OPCML: variants seen among roughly 807,000 people sequenced by gnomAD.
OPCML encodes the protein opioid binding protein/cell adhesion molecule like, also known as opioid-binding protein/cell adhesion molecule.
In OPCML, 13 loss-of-function variants were observed where a neutral mutation model predicts 37.8. The ratio of observed to expected loss-of-function variants is 0.34; its 90% CI spans 0.22 to 0.55. OPCML has a LOEUF of 0.55. Ranked by LOEUF, OPCML falls within the 20% of genes least tolerant of loss-of-function variation. OPCML has a pLI of 0.91. For missense variants in OPCML, 341 were observed against 435.6 expected (o/e 0.78, Z 1.93); for synonymous variants, 176 against 168.8 (o/e 1.04, Z -0.33).
chr11:133,147,536 A>G (rs1396998352), intron 1 of OPCML, among the ~76,000 whole-genome samples: 1 of 152,178 alleles, frequency 6.6e-6, no homozygotes, highest in Non-Finnish European at 1.5e-5. Flanking sequence ...CTTAGCAAGC[A>G]TGTGTGGGTT....
intron 1 of OPCML, among the ~76,000 whole-genome samples, chr11:133,434,798 GTA>G (rs57835682): frequency 0.15 from 18,888 of 128,658 alleles, 1,579 homozygotes; most frequent in African/African-American, 0.25. Flanking sequence ...TTATATATAT[GTA>G]TATATATATA....
At chr11:132,567,304 T>C (rs1333114953) in intron 3 of OPCML, among the ~76,000 whole-genome samples, 2 of 152,230 alleles carry the variant, frequency 1.3e-5, no homozygotes, top group African/African-American at 4.8e-5. Flanking sequence ...TTCAAATTTT[T>C]AGAAATGAGG....
In OPCML at chr11:132,566,837, G is replaced by A. The variant is rs139894426; in HGVS notation, c.380-37651C>T. ...GTCGAGATGCAAAAATAAGTAGGTA[G>A]TACAGGAGTGAAACTGGGATAGTGA... is the stretch of plus-strand genomic sequence containing the variant. On this transcript the variant is annotated intron_variant, in intron 3 of 7. Coordinates refer to ENST00000524381, the MANE Select transcript of OPCML (RefSeq NM_001012393.5). Among the ~76,000 whole-genome samples the A allele has an allele frequency of 3.9e-5, 6 of 152,288 alleles. No individual in the cohort carries two copies. The East Asian group carries it at 7.7e-4, about 20-fold the overall frequency.
intron 1 of OPCML, among the ~76,000 whole-genome samples, chr11:133,384,651 C>T (rs1375866086): frequency 1.3e-5 from 2 of 152,248 alleles, no homozygotes; most frequent in African/African-American, 2.4e-5. Context: ...TTCTGTGCCT[C>T]ATTCTAAATG....
intron 1 of OPCML, among the ~76,000 whole-genome samples, chr11:133,119,446 A>G (rs55754342): frequency 0.2 from 30,228 of 151,944 alleles, 3,209 homozygotes; most frequent in African/African-American, 0.28. Context: ...AGGACTAGGA[A>G]TGCAACCATC....
At chr11:132,436,017 C>T (rs2136736276) in intron 7 of OPCML, 69 bp downstream of exon 7, 1 of 1,526,712 alleles carries the variant, frequency 6.6e-7, no homozygotes, top group Non-Finnish European at 8.8e-7. Context: ...ATTGCAACTT[C>T]CTCCCTCCTG....
chr11:132,427,385 G>A (rs1032117793), intron 7 of OPCML, among the ~76,000 whole-genome samples: 3 of 152,176 alleles, frequency 2.0e-5, no homozygotes, highest in African/African-American at 4.8e-5. Context: ...TACACTTGTT[G>A]GTGAAACATA....
At chr11:132,567,946 A>G (rs1489078631) in intron 3 of OPCML, among the ~76,000 whole-genome samples, 1 of 152,222 alleles carries the variant, frequency 6.6e-6, no homozygotes, top group Non-Finnish European at 1.5e-5. Context: ...AAATGGCAAC[A>G]TAATTAGGAA....
At chr11:133,101,952 C>G (rs983072592) in intron 1 of OPCML, among the ~76,000 whole-genome samples, 3 of 151,718 alleles carry the variant, frequency 2.0e-5, no homozygotes, top group Middle Eastern at 6.8e-3. Context: ...GCCAAGTGAA[C>G]GAAGCCAATC....
intron 7 of OPCML, among the ~76,000 whole-genome samples, chr11:132,429,425 G>C (rs2095988988): frequency 6.6e-6 from 1 of 152,192 alleles, no homozygotes; most frequent in African/African-American, 2.4e-5. Context: ...GGAGAAGTCA[G>C]AGGAAAGGCC....
At chr11:132,676,095 A>G (rs1173433428) in intron 2 of OPCML, among the ~76,000 whole-genome samples, 6 of 152,322 alleles carry the variant, frequency 3.9e-5, no homozygotes, top group East Asian at 1.9e-4. Flanking sequence ...AGATAAACAT[A>G]TAGATCAATG....
At chr11:132,700,880 T>C (rs1397429137) in intron 2 of OPCML, among the ~76,000 whole-genome samples, 1 of 152,202 alleles carries the variant, frequency 6.6e-6, no homozygotes, top group Non-Finnish European at 1.5e-5. Context: ...GAAAATAATG[T>C]ATTCAAGTCC....
chr11:133,242,278 G>C (rs1940759718), intron 1 of OPCML, among the ~76,000 whole-genome samples: 1 of 152,166 alleles, frequency 6.6e-6, no homozygotes, highest in South Asian at 2.1e-4. Context: ...GCGGCAAAGT[G>C]ATATTCTAAA....
chr11:133,213,448 G>A (rs1939456621), intron 1 of OPCML, among the ~76,000 whole-genome samples: 1 of 152,150 alleles, frequency 6.6e-6, no homozygotes, highest in East Asian at 1.9e-4. Flanking sequence ...GTCTTTTAGA[G>A]CAGCATTATT....
intron 2 of OPCML, among the ~76,000 whole-genome samples, chr11:132,831,026 T>C (rs1425773029): frequency 1.3e-5 from 2 of 152,178 alleles, no homozygotes. Context: ...ACCTGCTTTT[T>C]TTTTTCTTAT....
intron 4 of OPCML, among the ~76,000 whole-genome samples, chr11:132,480,811 G>T (rs907429088): frequency 2.6e-5 from 4 of 151,904 alleles, no homozygotes; most frequent in Non-Finnish European, 5.9e-5. Context: ...TTACAGAGAA[G>T]CAAATGCTGA....
At chr11:132,454,713 A>G (rs910662627) in intron 4 of OPCML, among the ~76,000 whole-genome samples, 1 of 152,238 alleles carries the variant, frequency 6.6e-6, no homozygotes, top group Non-Finnish European at 1.5e-5. Context: ...GGCTGCCTTC[A>G]GATCCAATCT....
At chr11:133,189,222 T>C (rs1007445315) in intron 1 of OPCML, among the ~76,000 whole-genome samples, 1 of 152,164 alleles carries the variant, frequency 6.6e-6, no homozygotes, top group South Asian at 2.1e-4. Flanking sequence ...ATAAATGAAA[T>C]CAGAACCTGG....
chr11:133,439,044 T>A (rs1183250732), intron 1 of OPCML, among the ~76,000 whole-genome samples: 1 of 152,136 alleles, frequency 6.6e-6, no homozygotes, highest in Non-Finnish European at 1.5e-5. Context: ...TAATAATAAG[T>A]AAAGAAATTT....
Sources: gnomAD v4.1 joint callset for allele counts (sites outside exome capture counted in the v4.1 genomes callset) on GRCh38, gnomAD v4.1.1 for gene constraint, MANE v1.5 for transcripts, NCBI Gene and HGNC (gene_info 2026-07-23, HGNC 2026-07-21) for gene names.